The following ZNRF1 variants were observed in gnomAD, a reference collection of about 807,000 sequenced individuals.
ZNRF1 encodes E3 ubiquitin-protein ligase ZNRF1.
In ZNRF1, 3 loss-of-function variants were observed where a neutral mutation model predicts 18.4. That is an observed-to-expected ratio of 0.16 (90% confidence interval 0.07 to 0.42). The LOEUF is 0.42. Among genes scored for constraint, ZNRF1 ranks in the 10% least tolerant of loss-of-function variants. The pLI is 0.99. For missense variants in ZNRF1, 310 were observed against 329.8 expected (o/e 0.94, Z 0.47); for synonymous variants, 157 against 144.2 (o/e 1.09, Z -0.64).
At chr16:75,030,432 GA>G (rs140274027) in intron 1 of ZNRF1, among the ~76,000 whole-genome samples, 33 of 144,526 alleles carry the variant, frequency 2.3e-4, no homozygotes, top group Admixed American at 3.5e-4. Flanking sequence ...GTAGCTGGAG[GA>G]AAAAAAAAAG....
chr16:75,096,402 C>A (rs2036200866), intron 2 of ZNRF1, among the ~76,000 whole-genome samples: 1 of 152,070 alleles, frequency 6.6e-6, no homozygotes, highest in Admixed American at 6.5e-5. Flanking sequence ...TGCTCCAGCT[C>A]AGAGAGAGCA....
chr16:75,104,921 C>A, intron 3 of ZNRF1, 32 bp downstream of exon 3: 1 of 1,528,092 alleles, frequency 6.5e-7, no homozygotes, highest in Non-Finnish European at 8.9e-7. Context: ...GCTTAGTGCA[C>A]CCCACCTCCC....
At chr16:75,032,104 GTTT>G (rs1162819265) in intron 1 of ZNRF1, among the ~76,000 whole-genome samples, 13 of 108,658 alleles carry the variant, frequency 1.2e-4, no homozygotes, top group African/African-American at 3.4e-4. Flanking sequence ...TTCTTGTGAG[GTTT>G]TTTTTTTTTT....
chr16:75,088,859 T>C (rs559551379), intron 1 of ZNRF1, among the ~76,000 whole-genome samples: 64 of 152,298 alleles, frequency 4.2e-4, no homozygotes, highest in Admixed American at 9.8e-4. Flanking sequence ...CAAGAGTAGG[T>C]GCTGCAGAGG....
At chr16:75,086,646 C>G (rs1475715394) in intron 1 of ZNRF1, among the ~76,000 whole-genome samples, 1 of 152,184 alleles carries the variant, frequency 6.6e-6, no homozygotes, top group Non-Finnish European at 1.5e-5. Context: ...TAATAAATCC[C>G]ATTTATGAAA....
intron 1 of ZNRF1, among the ~76,000 whole-genome samples, chr16:75,019,232 A>C (rs1294291690): frequency 2.6e-5 from 4 of 151,582 alleles, no homozygotes; most frequent in South Asian, 4.2e-4. Flanking sequence ...TTTTTTGTAG[A>C]GACTACTGTG....
chr16:75,000,613 T>G (rs994814463), intron 1 of ZNRF1, among the ~76,000 whole-genome samples: 5 of 152,142 alleles, frequency 3.3e-5, no homozygotes, highest in African/African-American at 1.2e-4. Context: ...CTGCTGGAGA[T>G]CTGTTTGAAA....
intron 1 of ZNRF1, among the ~76,000 whole-genome samples, chr16:75,044,955 C>T (rs918028940): frequency 1.3e-5 from 2 of 152,192 alleles, no homozygotes; most frequent in Non-Finnish European, 2.9e-5. Flanking sequence ...TTGCATAATA[C>T]TTCCACCAGA....
intron 1 of ZNRF1, among the ~76,000 whole-genome samples, chr16:75,010,711 G>GTTGTTTTTTTTTTTTTTT (rs1555509222): frequency 2.7e-5 from 2 of 74,326 alleles, no homozygotes; most frequent in African/African-American, 3.9e-5. Context: ...GTTTTTTTTT[G>GTTGTTTTTTTTTTTTTTT]TTTTTTTGTT....
At chr16:75,069,648 G>T (rs563177584) in intron 1 of ZNRF1, among the ~76,000 whole-genome samples, 2 of 152,222 alleles carry the variant, frequency 1.3e-5, no homozygotes, top group South Asian at 4.1e-4. Flanking sequence ...TCCTGACCTC[G>T]TGATCCACCC....
intron 1 of ZNRF1, among the ~76,000 whole-genome samples, chr16:75,065,693 G>A (rs2035794451): frequency 6.6e-6 from 1 of 152,188 alleles, no homozygotes; most frequent in Non-Finnish European, 1.5e-5. Flanking sequence ...GCTTATGCAA[G>A]CATGAATGGG....
intron 1 of ZNRF1, among the ~76,000 whole-genome samples, chr16:75,045,497 A>G (rs1314335392): frequency 6.6e-6 from 1 of 152,148 alleles, no homozygotes; most frequent in East Asian, 1.9e-4. Flanking sequence ...TAACTTAGCA[A>G]TAAAGATGCT....
intron 1 of ZNRF1, among the ~76,000 whole-genome samples, chr16:75,002,593 TG>T (rs1375953834): frequency 2.0e-5 from 3 of 152,216 alleles, no homozygotes; most frequent in Non-Finnish European, 2.9e-5. Flanking sequence ...AGGCTGGGTC[TG>T]GAGGTAGAAT....
At chr16:75,025,510 A>G (rs2145341726) in intron 1 of ZNRF1, among the ~76,000 whole-genome samples, 1 of 152,222 alleles carries the variant, frequency 6.6e-6, no homozygotes, top group Admixed American at 6.5e-5. Context: ...TTTGTTAGGG[A>G]CCATATCTAC....
chr16:75,011,804 A>G (rs959943401), intron 1 of ZNRF1, among the ~76,000 whole-genome samples: 1 of 152,190 alleles, frequency 6.6e-6, no homozygotes, highest in Non-Finnish European at 1.5e-5. Context: ...TCCTCAACCC[A>G]GAGGCCAAGG....
Position 74,999,967 on chromosome 16 carries a change from A to G in ZNRF1, c.296A>G (p.His99Arg), listed in dbSNP as rs1288729516. Residue 99 changes from histidine (H) to arginine (R), a missense_variant, in exon 1 of 5, where the codon CAT becomes CGT. By Grantham distance (29) the His-to-Arg change is conservative. Around this residue, in one of 2 missense-constraint regions of ZNRF1, gnomAD observed 293 missense variants for 291.2 expected, o/e 1.01. Coordinates refer to ENST00000335325, the MANE Select transcript of ZNRF1 (RefSeq NM_032268.5). ...GGSASDSTYA[H>R]GNGYQETGGG... ...TCTGCGTCCGACTCCACCTATGCCC[A>G]TGGCAATGGTTACCAGGAGACGGGC... is the stretch of plus-strand genomic sequence containing the variant. The G allele has an allele frequency of 2.5e-6, 4 of 1,582,106 alleles. No homozygotes were observed. Among genetic ancestry groups the G allele is most frequent in the Admixed American group, 1.8e-5 (1 of 55,100 alleles).
chr16:75,095,621 G>A, intron 2 of ZNRF1: 2 of 1,549,334 alleles, frequency 1.3e-6, no homozygotes, highest in Non-Finnish European at 1.7e-6. Context: ...AAGCCTCAGA[G>A]GGGCTCAGCC....
chr16:75,077,927 C>G (rs1191491761), intron 1 of ZNRF1, among the ~76,000 whole-genome samples: 1 of 152,186 alleles, frequency 6.6e-6, no homozygotes, highest in African/African-American at 2.4e-5. Flanking sequence ...GTGATTACAT[C>G]GGACCCACCT....
chr16:75,024,095 C>T (rs554012084), intron 1 of ZNRF1, among the ~76,000 whole-genome samples: 1 of 152,170 alleles, frequency 6.6e-6, no homozygotes, highest in East Asian at 1.9e-4. Context: ...GTCTCGAACT[C>T]CTGACCTCAG....
Sources: gnomAD v4.1 joint callset for allele counts (sites outside exome capture counted in the v4.1 genomes callset) on GRCh38, gnomAD v4.1.1 for gene constraint, gnomAD v4.1.1 regional missense constraint, MANE v1.5 for transcripts, NCBI Gene and HGNC (gene_info 2026-07-23, HGNC 2026-07-21) for gene names.